The following COL23A1 variants were observed in gnomAD, a reference collection of about 807,000 sequenced individuals.
The protein encoded by COL23A1 is collagen alpha-1(XXIII) chain.
In COL23A1, 97 loss-of-function variants were observed where a neutral mutation model predicts 99.3. That is an observed-to-expected ratio of 0.98 (90% confidence interval 0.83 to 1.16). COL23A1 has a LOEUF of 1.16. Among genes scored for constraint, COL23A1 ranks in the 50% most tolerant of loss-of-function variants. The pLI, the probability that COL23A1 is intolerant of heterozygous loss-of-function variation, is 0.00. For missense variants in COL23A1, 762 were observed against 757.4 expected (o/e 1.01, Z -0.07); for synonymous variants, 320 against 308.2 (o/e 1.04, Z -0.40).
At chr5:178,394,898 C>T (rs1764149073) in intron 2 of COL23A1, among the ~76,000 whole-genome samples, 1 of 150,904 alleles carries the variant, frequency 6.6e-6, no homozygotes, top group South Asian at 2.1e-4. Flanking sequence ...CCCCGGCTGT[C>T]CTCCGAGAGT....
chr5:178,497,439 T>A (rs1258839211), intron 2 of COL23A1, among the ~76,000 whole-genome samples: 1 of 151,818 alleles, frequency 6.6e-6, no homozygotes, highest in African/African-American at 2.4e-5. Context: ...CAATTTAGAG[T>A]AAGGAGTCCC....
chr5:178,417,730 C>T (rs1765391735), intron 2 of COL23A1, among the ~76,000 whole-genome samples: 3 of 152,220 alleles, frequency 2.0e-5, no homozygotes, highest in Non-Finnish European at 4.4e-5. Context: ...CCCGCTTCAT[C>T]CAGGCCAAGG....
At chr5:178,521,117 G>A (rs984993073) in intron 2 of COL23A1, among the ~76,000 whole-genome samples, 6 of 152,194 alleles carry the variant, frequency 3.9e-5, no homozygotes, top group African/African-American at 1.4e-4. Context: ...CAACACAGTG[G>A]TGAAAGTATT....
Position 178,281,975 on chromosome 5 carries a change from C to G in COL23A1, c.441+6349G>C, listed in dbSNP as rs1254170083. ...GCTGAGGCACGAGAATCACTTGAAC[C>G]CAGGAGGCGAAGGTTACAGTGAGCC... On this transcript the variant is annotated intron_variant, in intron 5 of 28. Coordinates refer to ENST00000390654, the MANE Select transcript of COL23A1 (RefSeq NM_173465.4). The surrounding 1 kb of genome is among the most constrained non-coding windows in gnomAD (Gnocchi z 4.0). Among the ~76,000 whole-genome samples, 1 of 144,592 alleles carries G rather than the reference C, an allele frequency of 6.9e-6. No individual in the cohort carries two copies. Among genetic ancestry groups the G allele is most frequent in the Non-Finnish European group, 1.5e-5 (1 of 66,832 alleles). The allele number at this position is 144,592 out of a possible 152,430, so 94.9% of individuals were successfully genotyped here. A position where few individuals can be genotyped will look rare whatever the true frequency, so the allele number is the denominator to read the frequency against.
In COL23A1 at chr5:178,249,403, A is replaced by C. The variant is rs535448312; in HGVS notation, c.1060-197T>G. Among the ~76,000 whole-genome samples, 25 of 152,226 alleles carry C rather than the reference A, an allele frequency of 1.6e-4. 1 individual carries two copies. In the South Asian group the frequency reaches 5.2e-3, roughly 32 times the overall value. On this transcript the variant is annotated intron_variant, in intron 18 of 28. Transcript: ENST00000390654. ...GGGCACGCCACTCCTGGCTCATTGC[A>C]TCCGGGTGTGGGCACCGCAGGGCAG...
At chr5:178,461,143 T>G (rs769260551) in intron 2 of COL23A1, among the ~76,000 whole-genome samples, 2 of 152,172 alleles carry the variant, frequency 1.3e-5, no homozygotes, top group Non-Finnish European at 2.9e-5. Context: ...AGGAGCCGAA[T>G]TCCTCGTGCT....
At chr5:178,382,992 C>A (rs1022534750) in intron 2 of COL23A1, among the ~76,000 whole-genome samples, 2 of 152,100 alleles carry the variant, frequency 1.3e-5, no homozygotes, top group African/African-American at 4.8e-5. Context: ...TGAGAGACTC[C>A]ACCTGTCGGG....
At chr5:178,551,911 C>T (rs1034527058) in intron 2 of COL23A1, among the ~76,000 whole-genome samples, 1 of 152,106 alleles carries the variant, frequency 6.6e-6, no homozygotes, top group Non-Finnish European at 1.5e-5. Flanking sequence ...CTGGACTCAC[C>T]CTCCCCTCCC....
chr5:178,272,561 G>A (rs564491997), intron 5 of COL23A1, among the ~76,000 whole-genome samples: 1 of 152,186 alleles, frequency 6.6e-6, no homozygotes, highest in Non-Finnish European at 1.5e-5. Flanking sequence ...CAGGCCCTGG[G>A]GGCCCCGGGT....
intron 1 of COL23A1, among the ~76,000 whole-genome samples, chr5:178,578,079 GCACA>G (rs1004513088): frequency 1.4e-4 from 21 of 150,874 alleles, no homozygotes; most frequent in Admixed American, 1.4e-3. Context: ...ACACACTCAT[GCACA>G]CACACATGCA....
At chr5:178,466,429 T>C (rs988111496) in intron 2 of COL23A1, among the ~76,000 whole-genome samples, 9 of 152,204 alleles carry the variant, frequency 5.9e-5, no homozygotes, top group African/African-American at 1.9e-4. Context: ...GTGTTGATTC[T>C]AAGGCTTCCT....
At chr5:178,326,652 C>G (rs1172865846) in intron 2 of COL23A1, among the ~76,000 whole-genome samples, 1 of 152,204 alleles carries the variant, frequency 6.6e-6, no homozygotes, top group South Asian at 2.1e-4. Context: ...TCTTTTCCCT[C>G]CACTCACGTT....
At chr5:178,580,405 T>C (rs543575423) in intron 1 of COL23A1, among the ~76,000 whole-genome samples, 1 of 149,830 alleles carries the variant, frequency 6.7e-6, no homozygotes, top group East Asian at 1.9e-4. Flanking sequence ...CGCACACAGT[T>C]GTTTCTCCTA....
chr5:178,460,578 G>A (rs955818532), intron 2 of COL23A1, among the ~76,000 whole-genome samples: 8 of 152,130 alleles, frequency 5.3e-5, no homozygotes, highest in South Asian at 2.1e-4. Flanking sequence ...TCTTCTAGAC[G>A]GGAAAACAGC....
At chr5:178,466,256 G>GT (rs146413915) in intron 2 of COL23A1, among the ~76,000 whole-genome samples, 4,331 of 152,250 alleles carry the variant, frequency 0.028, 228 homozygotes, top group African/African-American at 0.098. Context: ...TGTGGGGGTG[G>GT]TGAGGATTTG....
At chr5:178,296,515 G>C (rs534122486) in intron 3 of COL23A1, among the ~76,000 whole-genome samples, 6 of 152,272 alleles carry the variant, frequency 3.9e-5, no homozygotes, top group Non-Finnish European at 7.4e-5. Context: ...TGCTGGGAAG[G>C]CACTTTCGTC....
chr5:178,430,316 CT>C (rs1293963875), intron 2 of COL23A1, among the ~76,000 whole-genome samples: 1 of 152,202 alleles, frequency 6.6e-6, no homozygotes, highest in Non-Finnish European at 1.5e-5. Flanking sequence ...TCTCTGCCCA[CT>C]GGAATTCTGC....
chr5:178,357,960 GTGTA>G (rs1761810808), intron 2 of COL23A1, among the ~76,000 whole-genome samples: 4 of 147,992 alleles, frequency 2.7e-5, no homozygotes, highest in African/African-American at 7.5e-5. Flanking sequence ...ATGTATATGT[GTGTA>G]TGTGTATGTG....
rs1302194494 is a variant in COL23A1, at chr5:178,406,453, G to A, written c.362-99534C>T. On this transcript the variant is annotated intron_variant, in intron 2 of 28. Coordinates refer to ENST00000390654, the MANE Select transcript of COL23A1 (RefSeq NM_173465.4). Reference sequence around the variant, plus strand: ...CTTTTTTTTTTTTTTTTCTTGAGACGGAGTCTCGCTCTGTCATCCAGGCTG... The same window carrying A: ...CTTTTTTTTTTTTTTTTCTTGAGACAGAGTCTCGCTCTGTCATCCAGGCTG... 3.5e-5 allele frequency among the ~76,000 whole-genome samples: 5 copies of A among 144,038 alleles called. No individual in the cohort carries two copies. The East Asian group carries it at 6.0e-4, about 17-fold the overall frequency. 94.5% of individuals were successfully genotyped at this position (144,038 alleles called of 152,430 possible). A position where few individuals can be genotyped will look rare whatever the true frequency, so the allele number is the denominator to read the frequency against.
Sources: gnomAD v4.1 joint callset for allele counts (sites outside exome capture counted in the v4.1 genomes callset) on GRCh38, gnomAD v4.1.1 for gene constraint, Gnocchi (gnomAD v3.1) non-coding constraint, MANE v1.5 for transcripts, NCBI Gene and HGNC (gene_info 2026-07-23, HGNC 2026-07-21) for gene names.